The following EFCAB6 variants were observed in gnomAD, a reference collection of about 807,000 sequenced individuals.
EFCAB6 encodes the protein EF-hand calcium binding domain 6.
Under a neutral mutation model 169.8 loss-of-function variants are expected in EFCAB6, and 156 were observed. The ratio of observed to expected loss-of-function variants is 0.92; its 90% CI spans 0.81 to 1.05. EFCAB6 has a LOEUF of 1.05. EFCAB6 is among the 50% of genes least tolerant of loss of function. EFCAB6 has a pLI of 0.00. For synonymous variants in EFCAB6, 698 were observed against 676.4 expected (o/e 1.03, Z -0.50); for missense variants, 1,800 against 1,829.1 (o/e 0.98, Z 0.29).
intron 31 of EFCAB6, among the ~76,000 whole-genome samples, chr22:43,529,605 A>G (rs2046938717): frequency 6.6e-6 from 1 of 152,186 alleles, no homozygotes; most frequent in Admixed American, 6.5e-5. Flanking sequence ...AGCCTCCTTT[A>G]AAGGAGAGGG....
At chr22:43,600,836 T>C (rs2052463122) in intron 22 of EFCAB6, among the ~76,000 whole-genome samples, 1 of 152,084 alleles carries the variant, frequency 6.6e-6, no homozygotes, top group South Asian at 2.1e-4. Flanking sequence ...CTAATGTTTC[T>C]ATTTTTAGTA....
chr22:43,570,783 C>A (rs1167493408), intron 26 of EFCAB6, among the ~76,000 whole-genome samples: 1 of 152,152 alleles, frequency 6.6e-6, no homozygotes, highest in Non-Finnish European at 1.5e-5. Context: ...TGAAAAGACA[C>A]ACGTCGCCTT....
intron 22 of EFCAB6, among the ~76,000 whole-genome samples, chr22:43,602,157 G>A (rs539024239): frequency 6.6e-6 from 1 of 152,322 alleles, no homozygotes; most frequent in South Asian, 2.1e-4. Context: ...GAGGTCTCAG[G>A]ACAGTGCCCC....
At chr22:43,541,055 C>T (rs867408288) in intron 27 of EFCAB6, among the ~76,000 whole-genome samples, 1 of 152,186 alleles carries the variant, frequency 6.6e-6, no homozygotes, top group Non-Finnish European at 1.5e-5. Context: ...AGGGCAACTC[C>T]TTCCAATTTG....
chr22:43,583,033 T>C (rs1332783390), intron 24 of EFCAB6, among the ~76,000 whole-genome samples: 1 of 152,140 alleles, frequency 6.6e-6, no homozygotes, highest in Non-Finnish European at 1.5e-5. Flanking sequence ...TTGTTCCCAC[T>C]GACTAATCTG....
intron 2 of EFCAB6, among the ~76,000 whole-genome samples, chr22:43,808,127 T>G (rs1288658534): frequency 6.6e-6 from 1 of 152,232 alleles, no homozygotes; most frequent in African/African-American, 2.4e-5. Context: ...GTACTGAATA[T>G]GTATGGACTT....
Position 43,716,877 on chromosome 22 carries a change from C to T in EFCAB6, c.853G>A (p.Asp285Asn), listed in dbSNP as rs1165760417. 1.2e-6 allele frequency: 2 copies of T among 1,603,320 alleles called. No homozygotes were observed. Among genetic ancestry groups the T allele is most frequent in the Non-Finnish European group, 8.5e-7 (1 of 1,175,358 alleles). Residue 285 changes from aspartate to asparagine, a missense_variant, in exon 9 of 32, where the codon GAT becomes AAT. Coordinates refer to ENST00000262726, the MANE Select transcript of EFCAB6 (RefSeq NM_022785.4). ...AGACAAAAGTTCCTCTCAATTTCAT[C>T]CAAGGAGTAGTTTCTCCAGATATCT... ...SEDIWRNYSL[D>N]EIERNFCLQL...
intron 23 of EFCAB6, among the ~76,000 whole-genome samples, chr22:43,593,454 A>G (rs1369991455): frequency 6.6e-6 from 1 of 152,248 alleles, no homozygotes; most frequent in African/African-American, 2.4e-5. Context: ...AGACGAGAAG[A>G]GAAGACACGA....
intron 5 of EFCAB6, among the ~76,000 whole-genome samples, chr22:43,758,249 A>G (rs1028602166): frequency 6.6e-6 from 1 of 152,152 alleles, no homozygotes; most frequent in African/African-American, 2.4e-5. Flanking sequence ...CATTTAATGT[A>G]GTCATGTTAT....
chr22:43,731,729 A>C lies in EFCAB6; in HGVS notation c.727T>G (p.Leu243Val). The C allele has an allele frequency of 6.2e-7, 1 of 1,600,784 alleles. No individual in the cohort carries two copies. Among genetic ancestry groups the C allele is most frequent in the Non-Finnish European group, 8.5e-7 (1 of 1,175,098 alleles). Residue 243 changes from leucine (L) to valine (V), a missense_variant, in exon 8 of 32, where the codon TTG (leucine) becomes GTG (valine). Coordinates refer to ENST00000262726, the MANE Select transcript of EFCAB6 (RefSeq NM_022785.4). ...TTTCCCATACAATATCTAAGGTTCA[A>C]GTCGTTATTTATGCTGAGATTCTTC... ...FLKNLSINND[L>V]NLRYCMGNQE...
At chr22:43,650,568 G>T (rs1312579213) in intron 17 of EFCAB6, among the ~76,000 whole-genome samples, 2 of 152,160 alleles carry the variant, frequency 1.3e-5, no homozygotes, top group Non-Finnish European at 1.5e-5. Flanking sequence ...GTAGAGTGGG[G>T]CATTGCTGAA....
intron 23 of EFCAB6, among the ~76,000 whole-genome samples, chr22:43,593,847 C>A (rs2051760255): frequency 6.6e-6 from 1 of 152,120 alleles, no homozygotes; most frequent in East Asian, 1.9e-4. Context: ...AGCTATAGAG[C>A]AGTAGGTAAG....
chr22:43,773,596 C>T (rs1405363233), intron 3 of EFCAB6, among the ~76,000 whole-genome samples: 1 of 152,178 alleles, frequency 6.6e-6, no homozygotes, highest in Admixed American at 6.5e-5. Context: ...GCCTGTAATC[C>T]CAGCACTTTG....
At chr22:43,638,732 C>T (rs193038897) in intron 17 of EFCAB6, among the ~76,000 whole-genome samples, 3 of 152,044 alleles carry the variant, frequency 2.0e-5, no homozygotes, top group Admixed American at 2.0e-4. Flanking sequence ...AATATTATGC[C>T]ACTTTACATA....
At chr22:43,666,012 T>C (rs138620072) in intron 17 of EFCAB6, among the ~76,000 whole-genome samples, 149 of 152,350 alleles carry the variant, frequency 9.8e-4, no homozygotes, top group African/African-American at 3.2e-3. Flanking sequence ...GGTCTTGAAC[T>C]CCTGACCTCA....
chr22:43,637,717 T>C (rs2055519291), intron 17 of EFCAB6, among the ~76,000 whole-genome samples: 1 of 152,146 alleles, frequency 6.6e-6, no homozygotes, highest in South Asian at 2.1e-4. Flanking sequence ...TTCTGTGCCA[T>C]CTGCACATGG....
intron 20 of EFCAB6, among the ~76,000 whole-genome samples, chr22:43,618,943 G>A (rs533035091): frequency 1.1e-4 from 17 of 151,026 alleles, no homozygotes; most frequent in Non-Finnish European, 2.4e-4. Context: ...CTAGGGCCCT[G>A]AAGGTGGCCC....
intron 9 of EFCAB6, among the ~76,000 whole-genome samples, chr22:43,712,263 G>A (rs2059187623): frequency 6.6e-6 from 1 of 151,958 alleles, no homozygotes; most frequent in African/African-American, 2.4e-5. Flanking sequence ...ATTTCCAAAG[G>A]TTTTCCTGCT....
Position 43,632,145 on chromosome 22 carries a change from C to A in EFCAB6, c.2192G>T (p.Cys731Phe). The A allele has an allele frequency of 4.3e-6, 7 of 1,614,166 alleles. No individual in the cohort carries two copies. The highest frequency in any genetic ancestry group is 5.1e-6 in the Non-Finnish European group (6 of 1,180,036). Residue 731 changes from cysteine to phenylalanine, a missense_variant, in exon 19 of 32, where the codon TGC becomes TTC. Coordinates refer to ENST00000262726, the MANE Select transcript of EFCAB6 (RefSeq NM_022785.4). ...CAGCCTCCTAGGGAAAAGCTTCAGG[C>A]ATTCTTCTGCGGTGATAAAGTGGCT... Reference protein sequence around the residue: ...VNSHFITAEECLKLFPRRLKE... With the variant: ...VNSHFITAEEFLKLFPRRLKE...
Sources: allele counts gnomAD v4.1 joint callset (sites outside exome capture counted in the v4.1 genomes callset), GRCh38; gene constraint gnomAD v4.1.1; transcripts MANE v1.5; gene names NCBI Gene and HGNC (gene_info 2026-07-23, HGNC 2026-07-21).